The following LIN54 variants were observed in gnomAD, a reference collection of about 807,000 sequenced individuals.
LIN54 encodes lin-54 DREAM MuvB core complex component, also known as protein lin-54 homolog.
Under a neutral mutation model 78.7 loss-of-function variants are expected in LIN54, and 9 were observed. The ratio of observed to expected loss-of-function variants is 0.11; its 90% CI spans 0.07 to 0.20. LIN54 has a LOEUF of 0.20. Among genes scored for constraint, LIN54 ranks in the 10% least tolerant of loss-of-function variants. LIN54 has a pLI of 1.00. For missense variants in LIN54, 573 were observed against 889.9 expected, an observed-to-expected ratio of 0.64 and a Z score of 4.53; for synonymous variants, 269 against 318.4, an observed-to-expected ratio of 0.84 and a Z score of 1.65.
chr4:82,968,168 G>A (rs753321024), intron 4 of LIN54, among the ~76,000 whole-genome samples: 63 of 151,714 alleles, frequency 4.2e-4, no homozygotes, highest in Non-Finnish European at 6.9e-4. Flanking sequence ...TCAGCCTCCC[G>A]AGTAGCTGGG....
intron 1 of LIN54, among the ~76,000 whole-genome samples, chr4:82,987,840 T>C (rs926675186): frequency 1.3e-5 from 2 of 152,248 alleles, no homozygotes; most frequent in African/African-American, 4.8e-5. Flanking sequence ...GCAATAAACA[T>C]ATGTGTGCAT....
intron 3 of LIN54, among the ~76,000 whole-genome samples, chr4:82,972,071 T>TAAACA (rs1725702162): frequency 6.6e-6 from 1 of 152,172 alleles, no homozygotes; most frequent in African/African-American, 2.4e-5. Context: ...TGTTTTGTTT[T>TAAACA]GAGACAGGGG....
At chr4:83,011,411 T>C (rs1578686531), upstream of LIN54, among the ~76,000 whole-genome samples, 1 of 152,328 alleles carries the variant, frequency 6.6e-6, no homozygotes, top group East Asian at 1.9e-4. Flanking sequence ...TGGTCATTTC[T>C]GTCCATGAAC....
chr4:82,932,545 G>A lies in LIN54; in HGVS notation c.1846-1400C>T, dbSNP rs147818128. Among the ~76,000 whole-genome samples the A allele has an allele frequency of 7.1e-4, 107 of 151,182 alleles. 1 individual carries two copies. Among genetic ancestry groups the A allele is most frequent in the African/African-American group, 2.3e-3 (95 of 41,262 alleles). On this transcript the variant is annotated intron_variant, in intron 11 of 12. Transcript: ENST00000340417. ...TTCCTTTTAACATTTTATGCCAGGC[G>A]CGGTGGCTCACGCCTGAAATCCCAG...
intron 4 of LIN54, among the ~76,000 whole-genome samples, chr4:82,949,358 G>A (rs943016433): frequency 2.7e-5 from 4 of 149,784 alleles, no homozygotes; most frequent in Admixed American, 2.0e-4. Flanking sequence ...TAATTGGGTT[G>A]TTTTTCTACT....
At chr4:82,969,497 TTAATA>T (rs907277291) in intron 4 of LIN54, among the ~76,000 whole-genome samples, 17 of 152,354 alleles carry the variant, frequency 1.1e-4, no homozygotes, top group African/African-American at 4.1e-4. Context: ...GAATTTGACC[TTAATA>T]AACTGTATGA....
intron 3 of LIN54, among the ~76,000 whole-genome samples, chr4:82,973,315 G>A (rs1462230682): frequency 6.6e-6 from 1 of 152,092 alleles, no homozygotes; most frequent in Non-Finnish European, 1.5e-5. Context: ...AATATTTCTA[G>A]ATTTCATCAA....
At chr4:82,946,608 T>G in intron 4 of LIN54, 134 bp from the exon 5 acceptor site, 1 of 674,486 alleles carries the variant, frequency 1.5e-6, no homozygotes, top group Non-Finnish European at 2.5e-6. Context: ...AACAACCTGT[T>G]CAAAGAGAAA....
intron 4 of LIN54, among the ~76,000 whole-genome samples, chr4:82,963,679 AC>A (rs1364135459): frequency 2.2e-3 from 10 of 4,498 alleles, no homozygotes; most frequent in Admixed American, 0.015. Context: ...TAGAGCAACC[AC>A]TAAAAAAAAA....
At chr4:82,943,693 G>C (rs1211327445) in intron 5 of LIN54, among the ~76,000 whole-genome samples, 1 of 151,992 alleles carries the variant, frequency 6.6e-6, no homozygotes, top group Non-Finnish European at 1.5e-5. Flanking sequence ...AAGGCAGAGA[G>C]ATATAGTGGA....
intron 1 of LIN54, among the ~76,000 whole-genome samples, chr4:83,000,038 G>A (rs1055567748): frequency 3.3e-5 from 5 of 151,572 alleles, no homozygotes; most frequent in Non-Finnish European, 4.4e-5. Flanking sequence ...GACCACAGGC[G>A]CATGCCATCA....
intron 4 of LIN54, among the ~76,000 whole-genome samples, chr4:82,963,897 T>C (rs1724997553): frequency 6.6e-6 from 1 of 152,218 alleles, no homozygotes; most frequent in Non-Finnish European, 1.5e-5. Flanking sequence ...ATATTGACCA[T>C]GTTATATAAT....
intron 4 of LIN54, 44 bp from the exon 5 acceptor site, chr4:82,946,518 C>T: frequency 7.0e-7 from 1 of 1,430,282 alleles, no homozygotes; most frequent in Non-Finnish European, 9.9e-7. Context: ...TGGGATGTAA[C>T]TTTCCTACTA....
rs768053055 is a variant in LIN54 at position 82,946,432 on chromosome 4, T to C, written c.994A>G (p.Ser332Gly). The change falls in exon 5 of 13, where the codon AGC (serine) becomes GGC (glycine). Residue 332 changes from serine to glycine, a missense_variant. Transcript: ENST00000340417. The stretch of plus-strand genomic sequence containing the variant: ...ATAATTGTCTTAAACTGTGATGTGC[T>C]CACTCCTCCAACAGTGATGGTCTGC... ...TVQTITVGGV[S>G]TSQFKTIIPL... The C allele has an allele frequency of 2.5e-6, 4 of 1,614,128 alleles. No individual in the cohort carries two copies. The highest frequency in any genetic ancestry group is 3.4e-6 in the Non-Finnish European group (4 of 1,179,950).
intron 2 of LIN54, among the ~76,000 whole-genome samples, chr4:82,979,701 G>A (rs1726463609): frequency 1.3e-5 from 2 of 152,020 alleles, no homozygotes; most frequent in Non-Finnish European, 2.9e-5. Context: ...CACTCTGGGA[G>A]GCTGAAGCAG....
intron 4 of LIN54, among the ~76,000 whole-genome samples, chr4:82,960,454 G>C (rs532098607): frequency 6.0e-5 from 9 of 150,754 alleles, no homozygotes; most frequent in African/African-American, 2.2e-4. Flanking sequence ...TTTTTTTTGA[G>C]ACAAGGTTTC....
intron 1 of LIN54, among the ~76,000 whole-genome samples, chr4:82,998,865 T>G (rs183990031): frequency 1.3e-3 from 192 of 152,268 alleles, no homozygotes; most frequent in Admixed American, 2.2e-3. Context: ...TTGTGTTTTA[T>G]AATTTACTAC....
rs1192877879 is a variant in LIN54, at chr4:82,927,923, A to G, written c.*179T>C. On this transcript the variant is annotated 3_prime_UTR_variant, in exon 13 of 13. Transcript: ENST00000340417. Reference sequence around the variant, plus strand: ...GAAGGGGCATAAGCAGATTTAACTAAGATTTAAAATGTACTAATTTCCTCA... The same window carrying G: ...GAAGGGGCATAAGCAGATTTAACTAGGATTTAAAATGTACTAATTTCCTCA... 1 of 580,678 alleles carries G rather than the reference A, an allele frequency of 1.7e-6. No individual in the cohort carries two copies. Among genetic ancestry groups the G allele is most frequent in the Admixed American group, 3.1e-5 (1 of 32,336 alleles). 36.0% of individuals were successfully genotyped at this position (580,678 alleles called of 1,614,324 possible).
At chr4:82,984,925 T>G in intron 1 of LIN54, 49 bp from the exon 2 acceptor site, 2 of 1,353,936 alleles carry the variant, frequency 1.5e-6, no homozygotes, top group East Asian at 4.7e-5. Flanking sequence ...TCAAAAGATG[T>G]AAGAAAAAAA....
Sources: gnomAD v4.1 joint callset for allele counts (sites outside exome capture counted in the v4.1 genomes callset) on GRCh38, gnomAD v4.1.1 for gene constraint, MANE v1.5 for transcripts, NCBI Gene and HGNC (gene_info 2026-07-23, HGNC 2026-07-21) for gene names.